PCNX2: variants seen among roughly 807,000 people sequenced by gnomAD.
PCNX2 encodes the protein pecanex-like protein 2.
In PCNX2, 168 loss-of-function variants were observed where a neutral mutation model predicts 223.8. The observed-to-expected ratio is 0.75, with a 90% CI of 0.66 to 0.85. The LOEUF is 0.85. Ranked by LOEUF, PCNX2 falls within the 40% of genes least tolerant of loss-of-function variation. The pLI is 0.00. For synonymous variants in PCNX2, 1,006 were observed against 1,052.6 expected (o/e 0.96, Z 0.86); for missense variants, 2,507 against 2,675.5 (o/e 0.94, Z 1.39).
rs1028978266 is a variant in PCNX2, at chr1:233,172,508, G to A, written c.3273+5294C>T. 8.1e-6 allele frequency: 8 copies of A among 985,284 alleles called. No individual in the cohort carries two copies. The African/African-American group carries it at 1.4e-4, about 17-fold the overall frequency. 61.0% of individuals were successfully genotyped at this position (985,284 alleles called of 1,614,324 possible). Reference sequence around the variant, plus strand: ...GCACTTCCTGGTGTGGAGGGTGGTAGAGCTGACTTCCTGAGGATCATCCTC... The same window carrying A: ...GCACTTCCTGGTGTGGAGGGTGGTAAAGCTGACTTCCTGAGGATCATCCTC... On this transcript the variant is annotated intron_variant, in intron 17 of 33. Transcript: ENST00000258229.
intron 5 of PCNX2, 126 bp downstream of exon 5, chr1:233,257,902 C>CCAAG: frequency 7.8e-7 from 1 of 1,289,264 alleles, no homozygotes; most frequent in East Asian, 2.5e-5. Context: ...GATGAGAAAG[C>CCAAG]CAAGCAACAA....
At chr1:233,293,301 G>C (rs957120488) in intron 1 of PCNX2, among the ~76,000 whole-genome samples, 1 of 152,194 alleles carries the variant, frequency 6.6e-6, no homozygotes, top group Admixed American at 6.5e-5. Flanking sequence ...AAAAAGTATA[G>C]TGAGGTAGAC....
chr1:233,135,513 C>T (rs1048393948), intron 20 of PCNX2, among the ~76,000 whole-genome samples: 4 of 152,186 alleles, frequency 2.6e-5, no homozygotes. Context: ...TCATGTTCTC[C>T]AGCAAGGGCA....
chr1:233,313,904 G>T, the PCNX2 span, among the ~76,000 whole-genome samples: 1 of 152,216 alleles, frequency 6.6e-6, no homozygotes, highest in Non-Finnish European at 1.5e-5. Context: ...AAAGGTGCTG[G>T]TGGGAGTGTA....
At chr1:233,136,302 C>T (rs1351126241) in intron 20 of PCNX2, among the ~76,000 whole-genome samples, 1 of 152,122 alleles carries the variant, frequency 6.6e-6, no homozygotes, top group Non-Finnish European at 1.5e-5. Context: ...CCTCAATTGC[C>T]CTAAACCTAG....
intron 1 of PCNX2, among the ~76,000 whole-genome samples, chr1:233,283,780 T>C (rs939569333): frequency 6.6e-6 from 1 of 152,224 alleles, no homozygotes; most frequent in African/African-American, 2.4e-5. Context: ...ACCACCATTG[T>C]AATGATTATT....
intron 5 of PCNX2, among the ~76,000 whole-genome samples, chr1:233,256,135 C>T (rs1053295839): frequency 6.6e-6 from 1 of 152,164 alleles, no homozygotes; most frequent in African/African-American, 2.4e-5. Flanking sequence ...CTGCACACAA[C>T]CTCAATTTCC....
At chr1:233,284,506 C>A (rs560767425) in intron 1 of PCNX2, among the ~76,000 whole-genome samples, 2 of 152,260 alleles carry the variant, frequency 1.3e-5, no homozygotes, top group South Asian at 4.1e-4. Context: ...AGTACTAATG[C>A]CAAGATTCCA....
chr1:233,167,864 C>A (rs1214422604), intron 17 of PCNX2: 7 of 904,842 alleles, frequency 7.7e-6, no homozygotes, highest in Non-Finnish European at 9.2e-6. Flanking sequence ...ATGTATATAC[C>A]TTTCCACCTT....
intron 26 of PCNX2, among the ~76,000 whole-genome samples, chr1:233,020,075 A>G (rs1219513507): frequency 6.6e-6 from 1 of 152,224 alleles, no homozygotes; most frequent in Non-Finnish European, 1.5e-5. Context: ...TTACGTTTTC[A>G]TTCATTGCTA....
intron 15 of PCNX2, among the ~76,000 whole-genome samples, chr1:233,190,427 G>A (rs1315246638): frequency 1.3e-5 from 2 of 152,172 alleles, no homozygotes; most frequent in Non-Finnish European, 2.9e-5. Flanking sequence ...CAAGTGGAGA[G>A]TCAGTCTGAG....
intron 1 of PCNX2, among the ~76,000 whole-genome samples, chr1:233,264,298 A>G (rs1277129051): frequency 6.6e-6 from 1 of 152,206 alleles, no homozygotes; most frequent in Non-Finnish European, 1.5e-5. Context: ...GGACAGCCTC[A>G]ATGATTCGCA....
intron 19 of PCNX2, among the ~76,000 whole-genome samples, chr1:233,148,396 A>G (rs535810978): frequency 6.6e-6 from 1 of 151,910 alleles, no homozygotes; most frequent in Non-Finnish European, 1.5e-5. Flanking sequence ...AACGCTGCAT[A>G]TTGACAGGAT....
At position 233,126,591 on chromosome 1, in the gene PCNX2, C is replaced by A. The variant is rs907482467; in HGVS notation, c.3837+8422G>T. ...ATTCCAAAATACTTACAATAGTTATCCATAGGAAGAGGTTAGGGTTAAGCA... is the reference window on the plus strand; with the variant it reads ...ATTCCAAAATACTTACAATAGTTATACATAGGAAGAGGTTAGGGTTAAGCA... On this transcript the variant is annotated intron_variant, in intron 21 of 33. Transcript: ENST00000258229. The surrounding 1 kb of genome is among the most constrained non-coding windows in gnomAD (Gnocchi z 4.8). Among the ~76,000 whole-genome samples, 1 of 151,670 alleles carries A rather than the reference C, an allele frequency of 6.6e-6. No individual in the cohort carries two copies. Among genetic ancestry groups the A allele is most frequent in the African/African-American group, 2.4e-5 (1 of 41,226 alleles).
intron 21 of PCNX2, among the ~76,000 whole-genome samples, chr1:233,134,622 G>A (rs1676702026): frequency 6.6e-6 from 1 of 151,950 alleles, no homozygotes; most frequent in African/African-American, 2.4e-5. Context: ...AGGCAGGAAG[G>A]AAGGTAAGAA....
chr1:233,168,404 T>C (rs925930902), intron 17 of PCNX2, among the ~76,000 whole-genome samples: 2 of 152,142 alleles, frequency 1.3e-5, no homozygotes, highest in African/African-American at 2.4e-5. Flanking sequence ...AAGTATCTAA[T>C]CTTAGTGTGC....
rs201255337 is a variant in PCNX2, at chr1:233,000,435, G to A, written c.5198C>T (p.Pro1733Leu). The A allele has an allele frequency of 7.6e-5, 122 of 1,600,894 alleles. 1 individual carries two copies. The highest frequency in any genetic ancestry group is 7.1e-4 in the South Asian group (64 of 89,696). Residue 1733 changes from proline to leucine, a missense_variant, in exon 30 of 34, where the codon CCG becomes CTG. By Grantham distance (98) the Pro-to-Leu change is moderately conservative. Coordinates refer to ENST00000258229, the MANE Select transcript of PCNX2 (RefSeq NM_014801.4). The surrounding 1 kb of genome is among the most constrained non-coding windows in gnomAD (Gnocchi z 4.6). ...KKVVICHEGD[P>L]AWRGAVLSNK... is the part of the protein sequence containing the mutation. ...GGACAGCACTGCGCCCCGCCAGGCC[G>A]GGTCGCCCTCGTGGCAGATGACCAC...
At chr1:233,311,506 G>A in the PCNX2 span, among the ~76,000 whole-genome samples, 3 of 152,200 alleles carry the variant, frequency 2.0e-5, no homozygotes, top group Non-Finnish European at 4.4e-5. Context: ...AAGAATTAAA[G>A]TTTCAAAGCA....
chr1:233,031,698 G>A, intron 25 of PCNX2: 1 of 970,144 alleles, frequency 1.0e-6, no homozygotes. Context: ...CATAAAAAGG[G>A]AGACAGTTAA....
Sources: allele counts gnomAD v4.1 joint callset (sites outside exome capture counted in the v4.1 genomes callset), GRCh38; gene constraint gnomAD v4.1.1; non-coding constraint Gnocchi (gnomAD v3.1); transcripts MANE v1.5; gene names NCBI Gene and HGNC (gene_info 2026-07-23, HGNC 2026-07-21).